TRPM3: variants seen among roughly 807,000 people sequenced by gnomAD.
TRPM3 encodes transient receptor potential cation channel subfamily M member 3, also known as long transient receptor potential channel 3.
TRPM3 carries 77 observed loss-of-function variants against 181.2 expected under a neutral mutation model. The ratio of observed to expected loss-of-function variants is 0.42; its 90% CI spans 0.35 to 0.51. The LOEUF is 0.51. Among genes scored for constraint, TRPM3 ranks in the 20% least tolerant of loss-of-function variants. TRPM3 has a pLI of 0.01. For synonymous variants in TRPM3, 745 were observed against 796.4 expected, an observed-to-expected ratio of 0.94 and a Z score of 1.09; for missense variants, 1,759 against 2,196.7, an observed-to-expected ratio of 0.80 and a Z score of 3.98.
intron 1 of TRPM3, among the ~76,000 whole-genome samples, chr9:71,191,516 C>T (rs759888615): frequency 7.5e-4 from 114 of 151,666 alleles, no homozygotes; most frequent in Middle Eastern, 3.4e-3. Context: ...CCTTCTTTTT[C>T]ATTTATTTTT....
chr9:71,349,561 T>A (rs1414516177), intron 1 of TRPM3, among the ~76,000 whole-genome samples: 3 of 152,204 alleles, frequency 2.0e-5, no homozygotes, highest in Non-Finnish European at 4.4e-5. Context: ...AGATATTTTA[T>A]AATATTTTAA....
chr9:71,238,187 T>C (rs1359306886), intron 1 of TRPM3, among the ~76,000 whole-genome samples: 2 of 152,166 alleles, frequency 1.3e-5, no homozygotes, highest in Admixed American at 6.6e-5. Flanking sequence ...AGGACATCCA[T>C]TTTCTTCTCA....
intron 1 of TRPM3, among the ~76,000 whole-genome samples, chr9:70,965,637 C>T (rs750140160): frequency 6.6e-5 from 10 of 152,018 alleles, no homozygotes; most frequent in South Asian, 2.1e-4. Flanking sequence ...CCTACTTGAT[C>T]GTTGTGGATA....
chr9:70,782,858 CTCA>C (rs2082755997), intron 7 of TRPM3, among the ~76,000 whole-genome samples: 1 of 151,826 alleles, frequency 6.6e-6, no homozygotes, highest in Non-Finnish European at 1.5e-5. Context: ...CTTGTTATTC[CTCA>C]TTTCACAAAC....
At chr9:71,352,426 G>A (rs573990548) in intron 1 of TRPM3, among the ~76,000 whole-genome samples, 1 of 152,010 alleles carries the variant, frequency 6.6e-6, no homozygotes, top group Admixed American at 6.6e-5. Context: ...ATGTCACTGA[G>A]GTTATTGAAA....
chr9:71,349,519 A>G (rs2091478940), intron 1 of TRPM3, among the ~76,000 whole-genome samples: 1 of 152,224 alleles, frequency 6.6e-6, no homozygotes, highest in South Asian at 2.1e-4. Context: ...GTTTCCTTAA[A>G]TGGAGATTGA....
intron 1 of TRPM3, among the ~76,000 whole-genome samples, chr9:71,297,138 T>C (rs1221398275): frequency 6.6e-6 from 1 of 151,894 alleles, no homozygotes; most frequent in East Asian, 1.9e-4. Flanking sequence ...ACTACAGGTG[T>C]GCACCACCAC....
intron 1 of TRPM3, among the ~76,000 whole-genome samples, chr9:71,318,011 A>G (rs1267920935): frequency 6.6e-6 from 1 of 152,200 alleles, no homozygotes; most frequent in Non-Finnish European, 1.5e-5. Flanking sequence ...GCATTTTGAA[A>G]GGCCAAGGCA....
At chr9:71,007,087 G>A (rs1452414185) in intron 1 of TRPM3, among the ~76,000 whole-genome samples, 3 of 96,354 alleles carry the variant, frequency 3.1e-5, no homozygotes, top group Admixed American at 1.1e-4. Context: ...GACTAAGTCA[G>A]GAACAGAAAA....
At chr9:70,847,762 T>G in intron 3 of TRPM3, among the ~76,000 whole-genome samples, 1 of 152,176 alleles carries the variant, frequency 6.6e-6, no homozygotes, top group Admixed American at 6.6e-5. Context: ...CTGATTATTT[T>G]TGAACACAAT....
intron 1 of TRPM3, 32 bp from the exon 2 acceptor site, chr9:70,864,543 A>AAG: frequency 7.3e-7 from 1 of 1,361,446 alleles, no homozygotes; most frequent in South Asian, 1.6e-5. Context: ...AAAAAAAAAG[A>AAG]AAAAAGAAAG....
intron 1 of TRPM3, among the ~76,000 whole-genome samples, chr9:71,139,798 C>T (rs2074989082): frequency 6.6e-6 from 1 of 152,162 alleles, no homozygotes; most frequent in Non-Finnish European, 1.5e-5. Context: ...ACATTCTCAA[C>T]CTCTTTCTTA....
chr9:70,567,137 A>T (rs1004020361), intron 22 of TRPM3, among the ~76,000 whole-genome samples: 14 of 152,184 alleles, frequency 9.2e-5, no homozygotes, highest in Non-Finnish European at 1.5e-5. Context: ...ATGCGGGAAA[A>T]ATCCTTCTGT....
chr9:71,288,638 G>C (rs894415844), intron 1 of TRPM3, among the ~76,000 whole-genome samples: 1 of 152,060 alleles, frequency 6.6e-6, no homozygotes, highest in Non-Finnish European at 1.5e-5. Flanking sequence ...AGGGAAATGA[G>C]GAGAATTCCT....
intron 1 of TRPM3, among the ~76,000 whole-genome samples, chr9:71,325,110 C>T (rs2089568299): frequency 6.6e-6 from 1 of 151,418 alleles, no homozygotes; most frequent in African/African-American, 2.4e-5. Context: ...TTGATCATTG[C>T]AAATTATATA....
intron 22 of TRPM3, among the ~76,000 whole-genome samples, chr9:70,571,669 C>T (rs1157619241): frequency 6.6e-6 from 1 of 152,082 alleles, no homozygotes; most frequent in Admixed American, 6.5e-5. Context: ...ATAGGGGCAA[C>T]AATCCTATCT....
At chr9:71,324,815 T>C (rs2089536682) in intron 1 of TRPM3, among the ~76,000 whole-genome samples, 2 of 152,026 alleles carry the variant, frequency 1.3e-5, no homozygotes, top group South Asian at 2.1e-4. Context: ...GCCTTTAAAG[T>C]AACATGGATG....
rs1403043704 is a variant in TRPM3, at chr9:70,622,635, G to A, written c.1810-1362C>T. ...TGAGTCGGAGAGAAAAGGCAACTCA[G>A]AAGAACACAGACCCTGATCTATATT... is the stretch of plus-strand genomic sequence containing the variant. On this transcript the variant is annotated intron_variant, in intron 14 of 25. Coordinates refer to ENST00000677713, the MANE Select transcript of TRPM3 (RefSeq NM_001366145.2). Among the ~76,000 whole-genome samples the A allele has an allele frequency of 2.6e-5, 4 of 152,240 alleles. No homozygotes were observed. The East Asian group carries it at 7.7e-4, about 29-fold the overall frequency.
chr9:71,117,301 T>TC (rs899914173), intron 1 of TRPM3, among the ~76,000 whole-genome samples: 2 of 151,886 alleles, frequency 1.3e-5, no homozygotes, highest in African/African-American at 2.4e-5. Flanking sequence ...TGCCTCTCCC[T>TC]CCCCCCTAGT....
Sources: allele counts gnomAD v4.1 joint callset (sites outside exome capture counted in the v4.1 genomes callset), GRCh38; gene constraint gnomAD v4.1.1; transcripts MANE v1.5; gene names NCBI Gene and HGNC (gene_info 2026-07-23, HGNC 2026-07-21).